STAG1: variants seen among roughly 807,000 people sequenced by gnomAD.
STAG1 encodes the protein cohesin subunit SA-1.
STAG1 carries 26 observed loss-of-function variants against 170.9 expected under a neutral mutation model. That is an observed-to-expected ratio of 0.15 (90% CI 0.11 to 0.21). The LOEUF is 0.21. STAG1 is among the 10% of genes least tolerant of loss of function. The probability of loss-of-function intolerance (pLI) is 1.00; values close to 1 mark genes in which losing one functional copy is unlikely to be tolerated. For synonymous variants in STAG1, 514 were observed against 497.7 expected, an observed-to-expected ratio of 1.03 and a Z score of -0.44; for missense variants, 964 against 1,509.5, an observed-to-expected ratio of 0.64 and a Z score of 5.99.
At chr3:136,579,905 G>T (rs1023326594) in intron 4 of STAG1, among the ~76,000 whole-genome samples, 2 of 151,258 alleles carry the variant, frequency 1.3e-5, no homozygotes, top group African/African-American at 4.9e-5. Context: ...CACCAGGTTG[G>T]AAGTGGAGAG....
intron 1 of STAG1, chr3:136,721,424 T>G (rs998750726): frequency 6.6e-6 from 1 of 152,234 alleles, no homozygotes; most frequent in East Asian, 1.9e-4. Flanking sequence ...ACATTATTTT[T>G]TTCTTAGTAC....
chr3:136,464,842 T>A, intron 13 of STAG1, 39 bp downstream of exon 13: 1 of 1,522,896 alleles, frequency 6.6e-7, no homozygotes, highest in South Asian at 1.2e-5. Flanking sequence ...GAAAACAACA[T>A]AGAAAAGTAG....
At chr3:136,631,725 CAT>C (rs1425233891) in intron 1 of STAG1, among the ~76,000 whole-genome samples, 1 of 152,112 alleles carries the variant, frequency 6.6e-6, no homozygotes, top group African/African-American at 2.4e-5. Flanking sequence ...CTCTAAAAAA[CAT>C]AAAGTCTCAT....
In STAG1 at chr3:136,498,233, T is replaced by TATATATAC; in HGVS notation, c.902+1989_902+1990insGTATATAT. On this transcript the variant is annotated intron_variant, in intron 9 of 33. Coordinates refer to ENST00000383202, the MANE Select transcript of STAG1 (RefSeq NM_005862.3). Reference sequence around the variant, plus strand: ...AATTATATATATATATATATATATATACACATACATATACATACACACACA... The same window carrying TATATATAC: ...AATTATATATATATATATATATATATATATATACACACATACATATACATACACACACA... Among the ~76,000 whole-genome samples the TATATATAC allele has an allele frequency of 6.3e-4, 36 of 57,494 alleles. 3 individuals carry two copies. In the East Asian group the frequency reaches 0.011, roughly 17 times the overall value. 37.7% of individuals were successfully genotyped at this position (57,494 alleles called of 152,430 possible).
intron 1 of STAG1, among the ~76,000 whole-genome samples, chr3:136,675,854 T>C (rs1323940235): frequency 1.3e-5 from 2 of 152,232 alleles, no homozygotes; most frequent in East Asian, 3.8e-4. Flanking sequence ...CATCAACTGA[T>C]GAATAAACAC....
At chr3:136,681,442 T>C (rs1420631726) in intron 1 of STAG1, among the ~76,000 whole-genome samples, 3 of 152,212 alleles carry the variant, frequency 2.0e-5, no homozygotes, top group Admixed American at 2.0e-4. Flanking sequence ...CCTGTAGCCT[T>C]GGGGGAAAAA....
At chr3:136,343,025 G>A (rs1039459500) in intron 30 of STAG1, among the ~76,000 whole-genome samples, 8 of 152,190 alleles carry the variant, frequency 5.3e-5, no homozygotes, top group Middle Eastern at 6.3e-3. Flanking sequence ...TTAGAGCAAA[G>A]GGATCATGAA....
chr3:136,584,429 C>T lies in STAG1; in HGVS notation c.298-15568G>A, dbSNP rs149624441. ...CTATTAACTATCACATGCAAGCCAT[C>T]CTGTTTCTATCAGCATTCAAAAGAC... is the stretch of plus-strand genomic sequence containing the variant. On this transcript the variant is annotated intron_variant, in intron 4 of 33. Coordinates refer to ENST00000383202, the MANE Select transcript of STAG1 (RefSeq NM_005862.3). 8.6e-3 allele frequency among the ~76,000 whole-genome samples: 1,307 copies of T among 152,298 alleles called. 19 individuals are homozygous for T. The highest frequency in any genetic ancestry group is 0.054 in the Middle Eastern group (16 of 294).
intron 29 of STAG1, chr3:136,348,898 T>G: frequency 2.1e-6 from 1 of 473,146 alleles, no homozygotes; most frequent in Non-Finnish European, 3.8e-6. Context: ...AGTATGGGGA[T>G]TGATTTTATA....
intron 6 of STAG1, among the ~76,000 whole-genome samples, chr3:136,539,394 C>T (rs1935787814): frequency 6.6e-6 from 1 of 152,012 alleles, no homozygotes; most frequent in Non-Finnish European, 1.5e-5. Flanking sequence ...TAAGTTATCA[C>T]GGGAGAAGAG....
chr3:136,545,866 G>T (rs1324986324), intron 5 of STAG1, among the ~76,000 whole-genome samples: 2 of 152,044 alleles, frequency 1.3e-5, no homozygotes, highest in Non-Finnish European at 2.9e-5. Context: ...CAGTCCTTGT[G>T]GGGGAGGAAA....
chr3:136,716,783 C>T, intron 1 of STAG1, among the ~76,000 whole-genome samples: 1 of 152,188 alleles, frequency 6.6e-6, no homozygotes, highest in Middle Eastern at 3.2e-3. Context: ...AGACAACTGC[C>T]CACAGTGGAA....
intron 22 of STAG1, among the ~76,000 whole-genome samples, chr3:136,394,002 A>G (rs991924046): frequency 3.9e-5 from 6 of 152,062 alleles, no homozygotes; most frequent in African/African-American, 1.4e-4. Context: ...CCTGGGTTCA[A>G]TCGATTCTCC....
chr3:136,504,111 A>G (rs1933634480), intron 7 of STAG1, among the ~76,000 whole-genome samples: 1 of 152,124 alleles, frequency 6.6e-6, no homozygotes, highest in South Asian at 2.1e-4. Flanking sequence ...CTGTATCTGT[A>G]TTTCTATCTA....
At chr3:136,634,571 G>C (rs1214884866) in intron 1 of STAG1, among the ~76,000 whole-genome samples, 2 of 148,134 alleles carry the variant, frequency 1.4e-5, no homozygotes, top group African/African-American at 5.0e-5. Flanking sequence ...AGCAAAAGCA[G>C]TGCTCAGAGG....
chr3:136,522,419 G>A (rs112437477), intron 6 of STAG1, among the ~76,000 whole-genome samples: 177 of 152,278 alleles, frequency 1.2e-3, no homozygotes, highest in African/African-American at 2.5e-3. Flanking sequence ...GAGTGTGAGT[G>A]TAGATTGGAG....
chr3:136,707,051 T>G (rs1475525205), intron 1 of STAG1, among the ~76,000 whole-genome samples: 1 of 152,132 alleles, frequency 6.6e-6, no homozygotes, highest in African/African-American at 2.4e-5. Context: ...AAAAATTAAA[T>G]CAAAATGGAT....
chr3:136,392,781 AAAAAG>A (rs1560081992), intron 22 of STAG1, among the ~76,000 whole-genome samples: 1 of 150,928 alleles, frequency 6.6e-6, no homozygotes, highest in Non-Finnish European at 1.5e-5. Flanking sequence ...AAAAAAAAAA[AAAAAG>A]AAAAGAAAAT....
intron 5 of STAG1, among the ~76,000 whole-genome samples, chr3:136,546,558 C>CT (rs1936163795): frequency 6.6e-6 from 1 of 152,034 alleles, no homozygotes. Context: ...AGATTGTTAC[C>CT]TTTCATCGCA....
Sources: allele counts gnomAD v4.1 joint callset (sites outside exome capture counted in the v4.1 genomes callset), GRCh38; gene constraint gnomAD v4.1.1; transcripts MANE v1.5; gene names NCBI Gene and HGNC (gene_info 2026-07-23, HGNC 2026-07-21).